H1-8: variants seen among roughly 807,000 people sequenced by gnomAD.
H1-8 encodes histone H1.8.
In H1-8, 13 loss-of-function variants were observed where a neutral mutation model predicts 19.5. The ratio of observed to expected loss-of-function variants is 0.67; its 90% confidence interval spans 0.43 to 1.06. The LOEUF is 1.06. Ranked by LOEUF, H1-8 falls within the 50% of genes least tolerant of loss-of-function variation. The pLI is 0.00. For missense variants in H1-8, 432 were observed against 459.8 expected, an observed-to-expected ratio of 0.94 and a Z score of 0.55; for synonymous variants, 193 against 187.6, an observed-to-expected ratio of 1.03 and a Z score of -0.24.
chr3:129,548,634 G>A (rs969073639), intron 2 of H1-8, among the ~76,000 whole-genome samples: 1 of 152,176 alleles, frequency 6.6e-6, no homozygotes. Context: ...GGAGGAGGGC[G>A]GAGGAAGCTG....
At chr3:129,551,085 C>T (rs2084928888) in intron 4 of H1-8, 22 bp from the exon 5 acceptor site, 1 of 1,599,630 alleles carries the variant, frequency 6.3e-7, no homozygotes, top group Non-Finnish European at 8.5e-7. Flanking sequence ...TGTCTCTTTG[C>T]TCCTGGTTTG....
chr3:129,549,263 C>A lies in H1-8; in HGVS notation c.641C>A (p.Ala214Asp). Residue 214 changes from alanine to aspartate, a missense_variant, in exon 3 of 5, where the codon GCT becomes GAT. Transcript: ENST00000324382. Reference sequence around the variant, plus strand: ...GACACCAGGGCACAGTCGGGAGAGGCTAGGAAGGTGCCCCCCAAGCCAGAC... The same window carrying A: ...GACACCAGGGCACAGTCGGGAGAGGATAGGAAGGTGCCCCCCAAGCCAGAC... Reference protein sequence around the residue: ...AKDTRAQSGEARKVPPKPDKA... With the variant: ...AKDTRAQSGEDRKVPPKPDKA... The A allele has an allele frequency of 1.3e-6, 2 of 1,577,574 alleles. No individual in the cohort carries two copies. Among genetic ancestry groups the A allele is most frequent in the Non-Finnish European group, 8.6e-7 (1 of 1,163,742 alleles).
intron 1 of H1-8, among the ~76,000 whole-genome samples, chr3:129,543,665 G>T (rs1468393156): frequency 6.6e-6 from 1 of 152,172 alleles, no homozygotes; most frequent in African/African-American, 2.4e-5. Flanking sequence ...ACTGGGGCAG[G>T]AGCATTTTAT....
At chr3:129,548,268 T>C (rs2084904948) in intron 2 of H1-8, 2 of 930,858 alleles carry the variant, frequency 2.1e-6, no homozygotes, top group Admixed American at 1.2e-4. Context: ...ACAGTTGCCA[T>C]GGAATGCTGG....
Position 129,549,333 on chromosome 3 carries a change from G to T in H1-8, c.711G>T (p.Lys237Asn). 6.2e-7 allele frequency: 1 copy of T among 1,604,860 alleles called. No homozygotes were observed. Residue 237 changes from lysine (K) to asparagine (N), a missense_variant, in exon 3 of 5, where the codon AAG becomes AAT. Physicochemically the swap from Lys to Asn is moderately conservative, Grantham distance 94. Coordinates refer to ENST00000324382, the MANE Select transcript of H1-8 (RefSeq NM_153833.3). ...APSSAGGLSR[K>N]AKAKGSRSSQ... Reference sequence around the variant, plus strand: ...CCAGTGCTGGTGGGCTCAGCAGGAAGGCAAAGGCCAAAGGCAGCAGGAGCA... The same window carrying T: ...CCAGTGCTGGTGGGCTCAGCAGGAATGCAAAGGCCAAAGGCAGCAGGAGCA...
intron 2 of H1-8, among the ~76,000 whole-genome samples, 174 bp from the exon 3 acceptor site, chr3:129,548,827 A>C (rs2084909682): frequency 6.6e-6 from 1 of 152,044 alleles, no homozygotes; most frequent in African/African-American, 2.4e-5. Context: ...GAGATCCTAG[A>C]ATCATAGTAG....
chr3:129,551,210 A>AG lies in H1-8; in HGVS notation c.914dup (p.Ser306GlnfsTer21). 6.2e-7 allele frequency: 1 copy of AG among 1,614,242 alleles called. No individual in the cohort carries two copies. Among genetic ancestry groups the AG allele is most frequent in the African/African-American group, 1.3e-5 (1 of 75,076 alleles). On this transcript the variant is annotated frameshift_variant, in exon 5 of 5. Transcript: ENST00000324382. LOFTEE classifies it low-confidence loss of function (END_TRUNC). ...AACACCAAGGCTGCTGCTCCTGCTA[A>AG]GGGCAGTGGGTCCAAGGTGGTACCT...
intron 1 of H1-8, among the ~76,000 whole-genome samples, chr3:129,546,138 A>AATG (rs1306873190): frequency 6.8e-6 from 1 of 147,832 alleles, no homozygotes; most frequent in Non-Finnish European, 1.5e-5. Context: ...TAATAATAAT[A>AATG]ATAATAATAA....
At chr3:129,545,780 A>G (rs1464845128) in intron 1 of H1-8, among the ~76,000 whole-genome samples, 1 of 152,160 alleles carries the variant, frequency 6.6e-6, no homozygotes, top group African/African-American at 2.4e-5. Context: ...TGGCTGGATA[A>G]TATTCCACGG....
At position 129,547,457 on chromosome 3, in the gene H1-8, A is replaced by G; in HGVS notation, c.155A>G (p.His52Arg). Residue 52 changes from histidine to arginine, a missense_variant, in exon 2 of 5, where the codon CAC becomes CGC. Coordinates refer to ENST00000324382, the MANE Select transcript of H1-8 (RefSeq NM_153833.3). ...SHSSLPVGRR[H>R]PPVLRMVLEA... ...AGCAGCCTCCCGGTGGGACGCCGCCACCCCCCGGTGCTACGCATGGTGCTG... is the reference window on the plus strand; with the variant it reads ...AGCAGCCTCCCGGTGGGACGCCGCCGCCCCCCGGTGCTACGCATGGTGCTG... 1.4e-6 allele frequency: 2 copies of G among 1,424,744 alleles called. No homozygotes were observed. Among genetic ancestry groups the G allele is most frequent in the Non-Finnish European group, 1.9e-6 (2 of 1,071,868 alleles). The allele number at this position is 1,424,744 out of a possible 1,614,324, so 88.3% of individuals were successfully genotyped here. A position where few individuals can be genotyped will look rare whatever the true frequency, so the allele number is the denominator to read the frequency against.
Position 129,547,759 on chromosome 3 carries a change from GAAGGCCTTTCCCCT to G in H1-8, c.378+80_378+93del, listed in dbSNP as rs2084901194. 6 of 1,311,168 alleles carry G rather than the reference GAAGGCCTTTCCCCT, an allele frequency of 4.6e-6. No individual in the cohort carries two copies. The South Asian group carries it at 9.1e-5, about 20-fold the overall frequency. 81.2% of individuals were successfully genotyped at this position (1,311,168 alleles called of 1,614,324 possible). A position where few individuals can be genotyped will look rare whatever the true frequency, so the allele number is the denominator to read the frequency against. Reference sequence around the variant, plus strand: ...TCTGTGAGTGCTGCGGCCTCTACTGGAAGGCCTTTCCCCTCCGGTCCCCTGTCCTTGTTCCTCCT... The same window carrying G: ...TCTGTGAGTGCTGCGGCCTCTACTGGCCGGTCCCCTGTCCTTGTTCCTCCT... On this transcript the variant is annotated intron_variant, in intron 2 of 4. Transcript: ENST00000324382.
At chr3:129,544,027 G>A (rs1212609293) in intron 1 of H1-8, among the ~76,000 whole-genome samples, 2 of 152,174 alleles carry the variant, frequency 1.3e-5, no homozygotes, top group African/African-American at 2.4e-5. Flanking sequence ...AAGTAAAAGG[G>A]CAGAGTTAAC....
In H1-8 at chr3:129,549,130, G is replaced by C. The variant is rs143491384; in HGVS notation, c.508G>C (p.Val170Leu). 7.0e-6 allele frequency: 11 copies of C among 1,579,830 alleles called. No individual in the cohort carries two copies. The African/African-American group carries it at 1.2e-4, about 17-fold the overall frequency. Residue 170 changes from valine (V) to leucine (L), a missense_variant, in exon 3 of 5, where the codon GTG becomes CTG. Val to Leu is a conservative substitution (Grantham distance 32). Coordinates refer to ENST00000324382, the MANE Select transcript of H1-8 (RefSeq NM_153833.3). ...PSEAKEDPPN[V>L]GKVKKAAKRP... ...TGAGGCCAAGGAGGACCCTCCCAACGTGGGCAAGGTGAAAAAGGCAGCCAA... is the reference window on the plus strand; with the variant it reads ...TGAGGCCAAGGAGGACCCTCCCAACCTGGGCAAGGTGAAAAAGGCAGCCAA...
Position 129,549,350 on chromosome 3 carries a change from G to A in H1-8, c.728G>A (p.Ser243Asn). 1 of 1,597,274 alleles carries A rather than the reference G, an allele frequency of 6.3e-7. No homozygotes were observed. Among genetic ancestry groups the A allele is most frequent in the Non-Finnish European group, 8.5e-7 (1 of 1,173,332 alleles). ...AGCAGGAAGGCAAAGGCCAAAGGCAGCAGGAGCAGCCAAGGTAGTTGTGTG... is the reference window on the plus strand; with the variant it reads ...AGCAGGAAGGCAAAGGCCAAAGGCAACAGGAGCAGCCAAGGTAGTTGTGTG... The part of the protein sequence containing the change: ...GLSRKAKAKG[S>N]RSSQGDAEAY... The change falls in exon 3 of 5, where the codon AGC (serine) becomes AAC (asparagine). Residue 243 changes from serine (S) to asparagine (N), a missense_variant. Ser to Asn is a conservative substitution (Grantham distance 46). Coordinates refer to ENST00000324382, the MANE Select transcript of H1-8 (RefSeq NM_153833.3).
chr3:129,551,342 G>T lies in H1-8; in HGVS notation c.*2G>T, dbSNP rs181816123. 1.4e-4 allele frequency: 226 copies of T among 1,605,138 alleles called. 1 individual carries two copies. In the East Asian group the frequency reaches 4.7e-3, roughly 33 times the overall value. The stretch of plus-strand genomic sequence containing the variant: ...TCCAGCCAGAGGGCTGAAGCTTAGG[G>T]CCAGAGGCAGGGGCGGAGAGAGACC... On this transcript the variant is annotated 3_prime_UTR_variant, in exon 5 of 5. Transcript: ENST00000324382.
At chr3:129,548,497 T>G in intron 2 of H1-8, 1 of 988,282 alleles carries the variant, frequency 1.0e-6, no homozygotes, top group Non-Finnish European at 1.2e-6. Flanking sequence ...GTCTTGGTGA[T>G]GGGGAGCCCT....
chr3:129,544,736 C>G (rs535757246), intron 1 of H1-8, among the ~76,000 whole-genome samples: 1 of 151,946 alleles, frequency 6.6e-6, no homozygotes, highest in Non-Finnish European at 1.5e-5. Flanking sequence ...TGGAGCTGCT[C>G]GTGAAGTCAG....
At position 129,549,069 on chromosome 3, in the gene H1-8, G is replaced by A. The variant is rs775908688; in HGVS notation, c.447G>A (p.Ala149=). ...CCCCCGCGACGGCTCCCAGGAGAGC[G>A]GGTGAGGCCAAGGGGAAGGGCCCCA... is the stretch of plus-strand genomic sequence containing the variant. ...KMAPATAPRR[A]GEAKGKGPKK... The change falls in exon 3 of 5, where the codon GCG becomes GCA. Residue 149 remains alanine (A), a synonymous_variant. Coordinates refer to ENST00000324382, the MANE Select transcript of H1-8 (RefSeq NM_153833.3). The A allele has an allele frequency of 2.5e-5, 41 of 1,612,432 alleles. No individual in the cohort carries two copies. The highest frequency in any genetic ancestry group is 4.4e-5 in the South Asian group (4 of 90,884).
chr3:129,548,493 G>T, intron 2 of H1-8: 4 of 988,512 alleles, frequency 4.0e-6, no homozygotes, highest in Non-Finnish European at 4.8e-6. Context: ...TCTAGTCTTG[G>T]TGATGGGGAG....
Sources: gnomAD v4.1 joint callset for allele counts (sites outside exome capture counted in the v4.1 genomes callset) on GRCh38, gnomAD v4.1.1 for gene constraint, MANE v1.5 for transcripts, NCBI Gene and HGNC (gene_info 2026-07-23, HGNC 2026-07-21) for gene names.